Variants in ATP6V1E1 observed in about 807,000 individuals in gnomAD.
ATP6V1E1 encodes the protein V-type proton ATPase subunit E 1.
A neutral mutation model predicts 35.2 loss-of-function variants in ATP6V1E1; 21 were observed. The observed-to-expected ratio is 0.60, with a 90% CI of 0.42 to 0.86. The LOEUF (loss-of-function observed/expected upper bound fraction) is 0.86. Ranked by LOEUF, ATP6V1E1 falls within the 40% of genes least tolerant of loss-of-function variation. The pLI, the probability that ATP6V1E1 is intolerant of heterozygous loss-of-function variation, is 0.00. For synonymous variants in ATP6V1E1, 83 were observed against 87.8 expected (o/e 0.95, Z 0.30); for missense variants, 183 against 272.6 (o/e 0.67, Z 2.32).
At position 17,601,252 on chromosome 22, in the gene ATP6V1E1, G is replaced by C. The variant is rs2057760432; in HGVS notation, c.277-71C>G. 8 of 1,265,076 alleles carry C rather than the reference G, an allele frequency of 6.3e-6. No individual in the cohort carries two copies. The South Asian group carries it at 9.1e-5, about 14-fold the overall frequency. 78.4% of individuals were successfully genotyped at this position (1,265,076 alleles called of 1,614,324 possible). A position where few individuals can be genotyped will look rare whatever the true frequency, so the allele number is the denominator to read the frequency against. Reference sequence around the variant, plus strand: ...TCGGCTCAGAACCCACTGTGAGGCTGATCCTGGCTCATGCCCAGCTGCCTC... The same window carrying C: ...TCGGCTCAGAACCCACTGTGAGGCTCATCCTGGCTCATGCCCAGCTGCCTC... On this transcript the variant is annotated intron_variant, in intron 4 of 8. Transcript: ENST00000253413.
chr22:17,624,499 A>T (rs998671627), intron 1 of ATP6V1E1, among the ~76,000 whole-genome samples: 9 of 152,084 alleles, frequency 5.9e-5, no homozygotes, highest in African/African-American at 2.2e-4. Context: ...GGCTGCAGTG[A>T]GCTGAGATCA....
At chr22:17,616,643 C>T (rs1022487181) in intron 2 of ATP6V1E1, among the ~76,000 whole-genome samples, 1 of 144,806 alleles carries the variant, frequency 6.9e-6, no homozygotes, top group Admixed American at 7.1e-5. Flanking sequence ...CGCGCCACTG[C>T]ACTCCAGTCT....
intron 2 of ATP6V1E1, among the ~76,000 whole-genome samples, chr22:17,617,747 G>T (rs763650218): frequency 3.9e-5 from 6 of 152,162 alleles, no homozygotes; most frequent in Non-Finnish European, 5.9e-5. Flanking sequence ...GCTGATGGAA[G>T]GTCACCTTTG....
rs150818488 is a variant in ATP6V1E1 at position 17,601,575 on chromosome 22, C to A, written c.277-394G>T. Among the ~76,000 whole-genome samples the A allele has an allele frequency of 2.6e-3, 391 of 152,212 alleles. 2 individuals are homozygous for A. Among genetic ancestry groups the A allele is most frequent in the African/African-American group, 8.7e-3 (359 of 41,494 alleles). On this transcript the variant is annotated intron_variant, in intron 4 of 8. Transcript: ENST00000253413. ...TATGGATCGAAATACGAACAGTCTA[C>A]CTTTGGAAGGCCAGATTACGAATAA...
intron 1 of ATP6V1E1, among the ~76,000 whole-genome samples, chr22:17,626,992 A>G (rs2057910609): frequency 6.6e-6 from 1 of 151,544 alleles, no homozygotes; most frequent in Non-Finnish European, 1.5e-5. Context: ...TGTGTTTATT[A>G]ATATTAAAAT....
chr22:17,618,901 G>A, intron 2 of ATP6V1E1: 1 of 428,908 alleles, frequency 2.3e-6, no homozygotes, highest in Non-Finnish European at 4.6e-6. Flanking sequence ...TTGGGAGGCT[G>A]AGGCAGGAGA....
At chr22:17,627,971 C>A (rs2057927957) in intron 1 of ATP6V1E1, among the ~76,000 whole-genome samples, 2 of 146,374 alleles carry the variant, frequency 1.4e-5, no homozygotes, top group South Asian at 4.2e-4. Flanking sequence ...AAAAAAGTGA[C>A]AAGGCTGGTT....
At chr22:17,597,081 A>T (rs2057735959) in intron 7 of ATP6V1E1, among the ~76,000 whole-genome samples, 1 of 151,774 alleles carries the variant, frequency 6.6e-6, no homozygotes, top group Non-Finnish European at 1.5e-5. Flanking sequence ...CTCTACTAAA[A>T]ATACAAAAAA....
chr22:17,599,141 T>C (rs1207898845), intron 6 of ATP6V1E1, among the ~76,000 whole-genome samples: 1 of 152,060 alleles, frequency 6.6e-6, no homozygotes, highest in Non-Finnish European at 1.5e-5. Context: ...GGAGAGTTAG[T>C]GTTTAATGAG....
chr22:17,613,172 A>C (rs749657615), intron 3 of ATP6V1E1, 39 bp downstream of exon 3: 4 of 1,578,532 alleles, frequency 2.5e-6, no homozygotes, highest in Non-Finnish European at 3.5e-6. Flanking sequence ...TGACTTCAGA[A>C]AACTTCTTAG....
intron 1 of ATP6V1E1, among the ~76,000 whole-genome samples, chr22:17,623,141 C>T (rs1277963895): frequency 6.6e-6 from 1 of 152,042 alleles, no homozygotes; most frequent in Non-Finnish European, 1.5e-5. Context: ...ATCGTGTTTC[C>T]AATCCTACTT....
At chr22:17,619,139 A>C (rs1601393671) in intron 2 of ATP6V1E1, 1 of 448,328 alleles carries the variant, frequency 2.2e-6, no homozygotes. Flanking sequence ...TAAAAATACA[A>C]ATATTAGCTG....
intron 1 of ATP6V1E1, 84 bp downstream of exon 1, chr22:17,628,519 G>C (rs949166357): frequency 6.3e-7 from 1 of 1,589,712 alleles, no homozygotes; most frequent in Non-Finnish European, 8.6e-7. Context: ...GGCGGCTCAA[G>C]GCCCGCGGCC....
chr22:17,608,091 G>C (rs1204536533), intron 4 of ATP6V1E1, among the ~76,000 whole-genome samples: 1 of 152,170 alleles, frequency 6.6e-6, no homozygotes, highest in Non-Finnish European at 1.5e-5. Flanking sequence ...AACAGCTGTA[G>C]TGGAGATGTA....
chr22:17,612,610 A>T (rs894289571), intron 4 of ATP6V1E1: 1 of 534,094 alleles, frequency 1.9e-6, no homozygotes, highest in Admixed American at 3.8e-5. Flanking sequence ...AATCCAGGAG[A>T]GTCTTACATG....
chr22:17,602,629 C>T (rs2057767438), intron 4 of ATP6V1E1, among the ~76,000 whole-genome samples: 1 of 151,726 alleles, frequency 6.6e-6, no homozygotes, highest in African/African-American at 2.4e-5. Context: ...CCTGCCTCAG[C>T]CTCCCAAAGT....
At chr22:17,605,686 T>C (rs912999002) in intron 4 of ATP6V1E1, among the ~76,000 whole-genome samples, 1 of 127,518 alleles carries the variant, frequency 7.8e-6, no homozygotes, top group Non-Finnish European at 1.6e-5. Context: ...TTTAGGTAGA[T>C]GTTTCTCTTT....
At chr22:17,618,866 G>A (rs771918948) in intron 2 of ATP6V1E1, among the ~76,000 whole-genome samples, 3 of 152,002 alleles carry the variant, frequency 2.0e-5, no homozygotes, top group South Asian at 2.1e-4. Context: ...CAGGTGTGAC[G>A]GTGCCTGCCT....
chr22:17,612,898 A>G lies in ATP6V1E1; in HGVS notation c.210-20T>C. 1 of 1,592,924 alleles carries G rather than the reference A, an allele frequency of 6.3e-7. No individual in the cohort carries two copies. Among genetic ancestry groups the G allele is most frequent in the Non-Finnish European group, 8.5e-7 (1 of 1,171,672 alleles). On this transcript the variant is annotated intron_variant, in intron 3 of 8. Transcript: ENST00000253413. ...ATCTGACTGCAAAACGGTATTGAAA[A>G]ATAGCATTAGTAACAACTTAAAACT...
Sources: allele counts gnomAD v4.1 joint callset (sites outside exome capture counted in the v4.1 genomes callset), GRCh38; gene constraint gnomAD v4.1.1; transcripts MANE v1.5; gene names NCBI Gene and HGNC (gene_info 2026-07-23, HGNC 2026-07-21).